Variants in SUCLG1 observed in about 807,000 individuals in gnomAD.
SUCLG1 encodes the protein succinate-CoA ligase GDP/ADP-forming subunit alpha.
SUCLG1 carries 26 observed loss-of-function variants against 37.3 expected under a neutral mutation model. The ratio of observed to expected loss-of-function variants is 0.70; its 90% CI spans 0.51 to 0.97. SUCLG1 has a LOEUF of 0.97. Ranked by LOEUF, SUCLG1 falls within the 50% of genes least tolerant of loss-of-function variation. The probability of loss-of-function intolerance (pLI) is 0.00; values close to 1 mark genes in which losing one functional copy is unlikely to be tolerated. For missense variants in SUCLG1, 433 were observed against 432.9 expected (o/e 1.00, Z 0.00); for synonymous variants, 163 against 155.6 (o/e 1.05, Z -0.36).
intron 5 of SUCLG1, among the ~76,000 whole-genome samples, chr2:84,440,099 G>T (rs1279587877): frequency 1.3e-5 from 2 of 152,194 alleles, no homozygotes; most frequent in Non-Finnish European, 2.9e-5. Context: ...TAATAGCCGG[G>T]CATGGTAGCT....
chr2:84,450,433 C>T (rs1024477853), intron 1 of SUCLG1, among the ~76,000 whole-genome samples: 3 of 150,398 alleles, frequency 2.0e-5, no homozygotes, highest in Admixed American at 6.6e-5. Context: ...AAAAAAAACC[C>T]TAGGTTATTG....
chr2:84,443,275 AC>A lies in SUCLG1; in HGVS notation c.318+8del, dbSNP rs1391322982. 6.2e-7 allele frequency: 1 copy of A among 1,607,286 alleles called. No homozygotes were observed. On this transcript the variant is annotated splice_region_variant and intron_variant, in intron 3 of 8. Coordinates refer to ENST00000393868, the MANE Select transcript of SUCLG1 (RefSeq NM_003849.4). The stretch of plus-strand genomic sequence containing the variant: ...TCTTGTCTTGCCAAACTCAGGTACC[AC>A]TAATTACCTCCTTCACAGTATTAAA...
intron 2 of SUCLG1, among the ~76,000 whole-genome samples, chr2:84,447,091 C>T (rs1264310314): frequency 6.6e-6 from 1 of 152,170 alleles, no homozygotes; most frequent in Non-Finnish European, 1.5e-5. Context: ...CAAGATGACA[C>T]CCACTGGAAA....
intron 5 of SUCLG1, 45 bp downstream of exon 5, chr2:84,441,002 G>A (rs1414167454): frequency 1.3e-6 from 2 of 1,587,008 alleles, no homozygotes; most frequent in Middle Eastern, 4.2e-4. Flanking sequence ...GAGGGTTTAA[G>A]GCAAATAACG....
chr2:84,433,108 G>C (rs2104244659), intron 6 of SUCLG1: 4 of 557,314 alleles, frequency 7.2e-6, no homozygotes, highest in South Asian at 2.1e-5. Context: ...CAGGCACCAA[G>C]GTGCTTCGGG....
intron 3 of SUCLG1, among the ~76,000 whole-genome samples, chr2:84,442,087 T>C (rs907765036): frequency 5.9e-5 from 9 of 151,854 alleles, no homozygotes; most frequent in Non-Finnish European, 1.3e-4. Flanking sequence ...GTCAAAAAAC[T>C]TATAGAATAT....
At chr2:84,455,590 C>T (rs1013380696) in intron 1 of SUCLG1, among the ~76,000 whole-genome samples, 1 of 151,406 alleles carries the variant, frequency 6.6e-6, no homozygotes. Context: ...AATCCCAGCA[C>T]TTTGGGAGGC....
At chr2:84,432,165 T>A (rs1479915393) in intron 6 of SUCLG1, among the ~76,000 whole-genome samples, 1 of 152,252 alleles carries the variant, frequency 6.6e-6, no homozygotes, top group East Asian at 1.9e-4. Context: ...GTACCCTGAC[T>A]GCTCGTGTTC....
chr2:84,431,415 A>C, intron 7 of SUCLG1, 93 bp downstream of exon 7: 2 of 1,552,866 alleles, frequency 1.3e-6, no homozygotes, highest in African/African-American at 1.4e-5. Context: ...ATGTTTTCTC[A>C]AAAAATTCAC....
At chr2:84,449,103 T>C (rs1352405938) in intron 2 of SUCLG1, among the ~76,000 whole-genome samples, 1 of 152,112 alleles carries the variant, frequency 6.6e-6, no homozygotes, top group Non-Finnish European at 1.5e-5. Flanking sequence ...TGACAACAAA[T>C]TAAAACACTT....
At chr2:84,453,922 G>C (rs546866638) in intron 1 of SUCLG1, among the ~76,000 whole-genome samples, 7 of 152,208 alleles carry the variant, frequency 4.6e-5, no homozygotes, top group Non-Finnish European at 1.0e-4. Context: ...GCCTGGTCTT[G>C]AGTTTATGCT....
At chr2:84,459,120 C>T (rs954914607) in intron 1 of SUCLG1, 53 bp downstream of exon 1, 26 of 1,510,146 alleles carry the variant, frequency 1.7e-5, no homozygotes, top group Non-Finnish European at 2.3e-5. Flanking sequence ...AGGTTGGGTC[C>T]GGCGGGGCCA....
chr2:84,438,421 A>C (rs1672720675), intron 5 of SUCLG1, among the ~76,000 whole-genome samples: 1 of 152,254 alleles, frequency 6.6e-6, no homozygotes, highest in African/African-American at 2.4e-5. Flanking sequence ...TTCTTCGATA[A>C]CACTCAATTA....
chr2:84,425,166 G>A (rs993519444), intron 8 of SUCLG1, among the ~76,000 whole-genome samples: 1 of 152,176 alleles, frequency 6.6e-6, no homozygotes, highest in East Asian at 1.9e-4. Flanking sequence ...TGTGTATGTT[G>A]TATCTTGCCA....
intron 6 of SUCLG1, among the ~76,000 whole-genome samples, chr2:84,432,084 T>G (rs1450157197): frequency 6.6e-6 from 1 of 152,212 alleles, no homozygotes; most frequent in Admixed American, 6.5e-5. Flanking sequence ...GTAAAGAAAC[T>G]ATTTGATGAA....
At chr2:84,451,187 G>A (rs1162804694) in intron 1 of SUCLG1, among the ~76,000 whole-genome samples, 1 of 152,112 alleles carries the variant, frequency 6.6e-6, no homozygotes, top group Admixed American at 6.5e-5. Context: ...TGGTATTTGT[G>A]TAGAAGCTAC....
chr2:84,451,969 C>T (rs759793464), intron 1 of SUCLG1, among the ~76,000 whole-genome samples: 5 of 152,118 alleles, frequency 3.3e-5, no homozygotes, highest in Admixed American at 6.5e-5. Context: ...TGACAATAAA[C>T]CTGTATGATG....
chr2:84,434,993 C>T (rs1022585030), intron 5 of SUCLG1, among the ~76,000 whole-genome samples: 1 of 152,186 alleles, frequency 6.6e-6, no homozygotes, highest in African/African-American at 2.4e-5. Context: ...CTTTTAGATG[C>T]ATTTCACTAG....
chr2:84,439,309 T>C (rs1476876672), intron 5 of SUCLG1, among the ~76,000 whole-genome samples: 2 of 152,208 alleles, frequency 1.3e-5, no homozygotes, highest in African/African-American at 4.8e-5. Flanking sequence ...TGAACTTCTC[T>C]TGATTTTCAT....
Sources: gnomAD v4.1 joint callset for allele counts (sites outside exome capture counted in the v4.1 genomes callset) on GRCh38, gnomAD v4.1.1 for gene constraint, MANE v1.5 for transcripts, NCBI Gene and HGNC (gene_info 2026-07-23, HGNC 2026-07-21) for gene names.